NRCAM: variants seen among roughly 807,000 people sequenced by gnomAD.
The protein encoded by NRCAM is NgCAM-related cell adhesion molecule.
Under a neutral mutation model 156.5 loss-of-function variants are expected in NRCAM, and 83 were observed. That is an observed-to-expected ratio of 0.53 (90% CI 0.44 to 0.64). The LOEUF is 0.64. Ranked by LOEUF, NRCAM falls within the 30% of genes least tolerant of loss-of-function variation. NRCAM has a pLI of 0.00. For synonymous variants in NRCAM, 538 were observed against 563.9 expected (o/e 0.95, Z 0.65); for missense variants, 1,417 against 1,597.3 (o/e 0.89, Z 1.92).
intron 8 of NRCAM, among the ~76,000 whole-genome samples, chr7:108,228,883 T>G (rs1315511323): frequency 2.0e-5 from 3 of 152,224 alleles, no homozygotes; most frequent in African/African-American, 7.2e-5. Flanking sequence ...TATATTTGTT[T>G]TTTATTTCTT....
intron 1 of NRCAM, among the ~76,000 whole-genome samples, chr7:108,409,412 A>G (rs920364990): frequency 7.9e-5 from 12 of 152,310 alleles, no homozygotes; most frequent in Admixed American, 7.8e-4. Context: ...ACTAAAATCT[A>G]AAGCTTCTGA....
chr7:108,392,417 C>G (rs947829004), intron 2 of NRCAM, among the ~76,000 whole-genome samples: 2 of 152,184 alleles, frequency 1.3e-5, no homozygotes, highest in African/African-American at 2.4e-5. Context: ...TGGTTTTCAG[C>G]TCCATCAGGT....
Position 108,232,458 on chromosome 7 carries a change from G to C in NRCAM, c.295C>G (p.Pro99Ala), listed in dbSNP as rs201075336. ...IDKDPLVTMK[P>A]GTGTLIINIM... Reference sequence around the variant, plus strand: ...TTAATTATGAGCGTTCCTGTGCCAGGCTTCATGGTGACCAGAGGGTCTTTA... The same window carrying C: ...TTAATTATGAGCGTTCCTGTGCCAGCCTTCATGGTGACCAGAGGGTCTTTA... The change falls in exon 7 of 33, where the codon CCT becomes GCT. Residue 99 changes from proline to alanine, a missense_variant. Physicochemically the swap from Pro to Ala is conservative, Grantham distance 27 (BLOSUM62 -1). Around this residue, in one of 2 missense-constraint regions of NRCAM, gnomAD observed 1,238 missense variants for 1,336.4 expected, o/e 0.93. Coordinates refer to ENST00000379028, the MANE Select transcript of NRCAM (RefSeq NM_001037132.4). 6.2e-6 allele frequency: 10 copies of C among 1,613,476 alleles called. No individual in the cohort carries two copies. The highest frequency in any genetic ancestry group is 8.5e-6 in the Non-Finnish European group (10 of 1,179,692).
intron 3 of NRCAM, among the ~76,000 whole-genome samples, chr7:108,274,147 G>A (rs760461763): frequency 5.3e-5 from 8 of 152,196 alleles, no homozygotes; most frequent in Non-Finnish European, 1.0e-4. Context: ...CTGTAGCCTT[G>A]TAGTGTAGTT....
chr7:108,179,822 T>G (rs2062535697), intron 25 of NRCAM, among the ~76,000 whole-genome samples: 1 of 152,216 alleles, frequency 6.6e-6, no homozygotes, highest in African/African-American at 2.4e-5. Flanking sequence ...ATATTTTCCT[T>G]TCCAGGTGTT....
At chr7:108,164,773 G>A (rs1437142343) in intron 30 of NRCAM, among the ~76,000 whole-genome samples, 1 of 152,290 alleles carries the variant, frequency 6.6e-6, no homozygotes, top group East Asian at 1.9e-4. Flanking sequence ...ATCAATATTT[G>A]TTCTTTTTAA....
At chr7:108,411,428 C>G (rs1795179560) in intron 1 of NRCAM, among the ~76,000 whole-genome samples, 1 of 152,114 alleles carries the variant, frequency 6.6e-6, no homozygotes, top group South Asian at 2.1e-4. Context: ...TGTTGTTTCT[C>G]TATAACTGGG....
intron 1 of NRCAM, among the ~76,000 whole-genome samples, chr7:108,449,482 G>C (rs1304163615): frequency 6.6e-6 from 1 of 152,172 alleles, no homozygotes; most frequent in African/African-American, 2.4e-5. Flanking sequence ...GGACTGAAAA[G>C]GCACACCAGG....
intron 2 of NRCAM, among the ~76,000 whole-genome samples, chr7:108,395,125 A>G (rs983040840): frequency 2.0e-5 from 3 of 152,246 alleles, no homozygotes; most frequent in Non-Finnish European, 4.4e-5. Flanking sequence ...ATATTATGAG[A>G]AAATGTGAAG....
chr7:108,442,511 A>G (rs1289484897), intron 1 of NRCAM, among the ~76,000 whole-genome samples: 1 of 152,216 alleles, frequency 6.6e-6, no homozygotes, highest in East Asian at 1.9e-4. Context: ...TGTCCAGAAC[A>G]GGGAATAAGA....
intron 2 of NRCAM, among the ~76,000 whole-genome samples, chr7:108,365,134 A>G (rs2154330532): frequency 6.6e-6 from 1 of 152,264 alleles, no homozygotes; most frequent in Middle Eastern, 3.4e-3. Flanking sequence ...ATAATTTAGC[A>G]TTTAACATAT....
intron 3 of NRCAM, among the ~76,000 whole-genome samples, chr7:108,295,066 T>A (rs1467443047): frequency 6.6e-6 from 1 of 152,210 alleles, no homozygotes; most frequent in African/African-American, 2.4e-5. Flanking sequence ...GAAAAAGTGA[T>A]TAAATGATGA....
intron 30 of NRCAM, among the ~76,000 whole-genome samples, chr7:108,165,686 A>G (rs1322526512): frequency 1.3e-5 from 2 of 152,270 alleles, no homozygotes; most frequent in Admixed American, 6.5e-5. Flanking sequence ...TTATGATTTT[A>G]GCAAATGAAT....
chr7:108,188,424 G>C (rs1325313387), intron 20 of NRCAM, among the ~76,000 whole-genome samples: 1 of 151,724 alleles, frequency 6.6e-6, no homozygotes, highest in Non-Finnish European at 1.5e-5. Context: ...TTTACATGCA[G>C]ATATAATGAA....
chr7:108,238,402 C>T (rs1022314838), intron 4 of NRCAM, among the ~76,000 whole-genome samples: 78 of 152,214 alleles, frequency 5.1e-4, no homozygotes, highest in African/African-American at 1.6e-3. Flanking sequence ...AGTAGAGAAA[C>T]GATGTAAGAA....
At chr7:108,307,660 T>G (rs913511035) in intron 3 of NRCAM, among the ~76,000 whole-genome samples, 1 of 142,618 alleles carries the variant, frequency 7.0e-6, no homozygotes, top group African/African-American at 2.6e-5. Flanking sequence ...AAAGGCAAAA[T>G]AAAAGAAAAC....
intron 2 of NRCAM, among the ~76,000 whole-genome samples, chr7:108,332,850 C>T (rs2099140827): frequency 1.3e-5 from 2 of 152,000 alleles, no homozygotes. Flanking sequence ...GAAAATGTAT[C>T]AGACAATTCA....
At chr7:108,354,754 C>T (rs1298634876) in intron 2 of NRCAM, among the ~76,000 whole-genome samples, 1 of 151,940 alleles carries the variant, frequency 6.6e-6, no homozygotes, top group Non-Finnish European at 1.5e-5. Context: ...ATTAGCTGGG[C>T]GTGGTGGTGG....
At chr7:108,326,910 T>G (rs1213620685) in intron 2 of NRCAM, among the ~76,000 whole-genome samples, 1 of 152,200 alleles carries the variant, frequency 6.6e-6, no homozygotes, top group Admixed American at 6.5e-5. Context: ...GAGGCAATCA[T>G]GAAACCCATG....
Sources: allele counts gnomAD v4.1 joint callset (sites outside exome capture counted in the v4.1 genomes callset), GRCh38; gene constraint gnomAD v4.1.1; regional missense constraint gnomAD v4.1.1; transcripts MANE v1.5; gene names NCBI Gene and HGNC (gene_info 2026-07-23, HGNC 2026-07-21).